Variants in FBLN2 observed in about 807,000 individuals in gnomAD.
The protein encoded by FBLN2 is fibulin-2.
A neutral mutation model predicts 123.7 loss-of-function variants in FBLN2; 81 were observed. That is an observed-to-expected ratio of 0.65 (90% CI 0.55 to 0.79). The LOEUF is 0.79. Ranked by LOEUF, FBLN2 falls within the 30% of genes least tolerant of loss-of-function variation. FBLN2 has a pLI of 0.00. For synonymous variants in FBLN2, 699 were observed against 701.4 expected, an observed-to-expected ratio of 1.00 and a Z score of 0.05; for missense variants, 1,603 against 1,681.3, an observed-to-expected ratio of 0.95 and a Z score of 0.81.
chr3:13,588,124 T>A (rs1422052811), intron 2 of FBLN2, among the ~76,000 whole-genome samples: 1 of 152,250 alleles, frequency 6.6e-6, no homozygotes, highest in Non-Finnish European at 1.5e-5. Flanking sequence ...AACCACTTTT[T>A]ATCTTTTATA....
chr3:13,619,977 C>A, intron 8 of FBLN2, 146 bp downstream of exon 8: 2 of 599,646 alleles, frequency 3.3e-6, no homozygotes, highest in Non-Finnish European at 5.8e-6. Context: ...CCTAGTGGAG[C>A]AGGTTAAACA....
At chr3:13,551,587 G>A (rs1220572419) in intron 1 of FBLN2, among the ~76,000 whole-genome samples, 1 of 152,190 alleles carries the variant, frequency 6.6e-6, no homozygotes, top group Non-Finnish European at 1.5e-5. Context: ...CTCTTACTGA[G>A]CCACTAGTGG....
At chr3:13,606,991 G>T (rs1393181419) in intron 2 of FBLN2, among the ~76,000 whole-genome samples, 1 of 150,800 alleles carries the variant, frequency 6.6e-6, no homozygotes, top group Non-Finnish European at 1.5e-5. Flanking sequence ...TTGTTTGTTT[G>T]TTTGTTTTTT....
In FBLN2 at chr3:13,637,819, G is replaced by A. The variant is rs375703494; in HGVS notation, c.3596G>A (p.Arg1199Gln). 25 of 1,613,638 alleles carry A rather than the reference G, an allele frequency of 1.5e-5. No individual in the cohort carries two copies. Among genetic ancestry groups the A allele is most frequent in the African/African-American group, 9.3e-5 (7 of 74,922 alleles). Residue 1199 changes from arginine (R) to glutamine (Q), a missense_variant, in exon 18 of 18, where the codon CGG (arginine) becomes CAG (glutamine). By Grantham distance (43) the Arg-to-Gln change is conservative (BLOSUM62 1). Transcript: ENST00000404922. ...CTGCAGCGGGCCGTGCTGGAGCCCC[G>A]GGACTTTGCCCTGGACGTGGAGATG... ...VYLQRAVLEP[R>Q]DFALDVEMKL...
rs578239762 is a variant in FBLN2 at position 13,554,941 on chromosome 3, T to C, written c.-42+5733T>C. ...AAAAATCCCTTCCCTGTTTTGCTTA[T>C]ATTTACTTTTTTTTTTTTTTTTTTT... is the stretch of plus-strand genomic sequence containing the variant. On this transcript the variant is annotated intron_variant, in intron 1 of 17. Coordinates refer to ENST00000404922, the MANE Select transcript of FBLN2 (RefSeq NM_001004019.2). Among the ~76,000 whole-genome samples the C allele has an allele frequency of 2.5e-4, 24 of 94,504 alleles. No homozygotes were observed. The South Asian group carries it at 0.012, about 49-fold the overall frequency. The allele number at this position is 94,504 out of a possible 152,430, so 62.0% of individuals were successfully genotyped here.
At chr3:13,555,361 C>T (rs1335953939) in intron 1 of FBLN2, among the ~76,000 whole-genome samples, 1 of 152,176 alleles carries the variant, frequency 6.6e-6, no homozygotes, top group African/African-American at 2.4e-5. Flanking sequence ...ACTAAAAATA[C>T]AGTGCTTAGC....
intron 2 of FBLN2, 95 bp downstream of exon 2, chr3:13,571,756 A>T (rs1703968439): frequency 2.9e-6 from 4 of 1,367,134 alleles, no homozygotes; most frequent in Non-Finnish European, 2.9e-6. Flanking sequence ...GGGGCTGGGG[A>T]TGCTGGACTG....
chr3:13,556,238 A>C (rs1703459989), intron 1 of FBLN2, among the ~76,000 whole-genome samples: 1 of 152,164 alleles, frequency 6.6e-6, no homozygotes, highest in Admixed American at 6.5e-5. Flanking sequence ...TGGAAGTCTA[A>C]GCCCTAGATT....
intron 5 of FBLN2, among the ~76,000 whole-genome samples, chr3:13,614,901 T>TATCCATCCATCCATCC (rs113294664): frequency 7.2e-6 from 1 of 139,594 alleles, no homozygotes; most frequent in South Asian, 2.3e-4. Context: ...TCTATTCATC[T>TATCCATCCATCCATCC]ATCCATCCAT....
intron 10 of FBLN2, 69 bp downstream of exon 10, chr3:13,626,648 G>T: frequency 6.8e-7 from 1 of 1,460,786 alleles, no homozygotes; most frequent in Middle Eastern, 2.5e-4. Flanking sequence ...CCCCTCCCTG[G>T]TCCCACCCCT....
At position 13,619,782 on chromosome 3, in the gene FBLN2, C is replaced by G; in HGVS notation, c.2106C>G (p.Cys702Trp). 6.2e-7 allele frequency: 1 copy of G among 1,613,084 alleles called. No homozygotes were observed. Among genetic ancestry groups the G allele is most frequent in the East Asian group, 2.2e-5 (1 of 44,810 alleles). ...VCSTVGGSAI[C>W]SCFPGYAIMA... is the part of the protein sequence containing the mutation. ...GCACTGTTGGGGGCTCAGCCATATG[C>G]TCCTGTTTTCCCGGCTATGCCATCA... Residue 702 changes from cysteine to tryptophan, a missense_variant, in exon 8 of 18, where the codon TGC becomes TGG. Coordinates refer to ENST00000404922, the MANE Select transcript of FBLN2 (RefSeq NM_001004019.2).
At chr3:13,627,523 C>T (rs564317743) in intron 10 of FBLN2, among the ~76,000 whole-genome samples, 3 of 152,346 alleles carry the variant, frequency 2.0e-5, no homozygotes, top group African/African-American at 7.2e-5. Flanking sequence ...GCCTCAGCTT[C>T]CCTCCTTGTA....
intron 2 of FBLN2, among the ~76,000 whole-genome samples, chr3:13,583,563 T>C (rs1704404909): frequency 6.6e-6 from 1 of 152,228 alleles, no homozygotes; most frequent in African/African-American, 2.4e-5. Context: ...GGGGCAAAGC[T>C]GAGCCCAGGG....
In FBLN2 at chr3:13,587,266, G is replaced by A. The variant is rs1047848470; in HGVS notation, c.1306+15605G>A. Among the ~76,000 whole-genome samples the A allele has an allele frequency of 4.9e-4, 74 of 151,812 alleles. 2 individuals carry two copies. Among genetic ancestry groups the A allele is most frequent in the Non-Finnish European group, 8.8e-5 (6 of 67,964 alleles). On this transcript the variant is annotated intron_variant, in intron 2 of 17. Coordinates refer to ENST00000404922, the MANE Select transcript of FBLN2 (RefSeq NM_001004019.2). ...AGGGCATTTATGTTTTAAGGTAAGC[G>A]TTATTACAAAAGGGTAAAAAATTAA...
At position 13,631,371 on chromosome 3, in the gene FBLN2, TC is replaced by T; in HGVS notation, c.3130del (p.Arg1044AlafsTer20). The T allele has an allele frequency of 6.2e-7, 1 of 1,602,880 alleles. No homozygotes were observed. The highest frequency in any genetic ancestry group is 1.1e-5 in the South Asian group (1 of 88,798). On this transcript the variant is annotated frameshift_variant, in exon 16 of 18. Transcript: ENST00000404922. LOFTEE classifies it high-confidence loss of function. Reference sequence around the variant, plus strand: ...CAAGGCGCCGGCATCCTCTGCACCTTCCGCTGTCTCAACGTGCCAGGGAGCT... The same window carrying T: ...CAAGGCGCCGGCATCCTCTGCACCTTCGCTGTCTCAACGTGCCAGGGAGCT... ...CAQGAGILCT[F>X]RCLNVPGSYQ...
At chr3:13,554,665 G>A (rs1402698450) in intron 1 of FBLN2, among the ~76,000 whole-genome samples, 1 of 151,156 alleles carries the variant, frequency 6.6e-6, no homozygotes, top group Non-Finnish European at 1.5e-5. Flanking sequence ...CCCCTGCATG[G>A]CTGTGGAAAC....
chr3:13,614,142 G>T lies in FBLN2; in HGVS notation c.1707G>T (p.Glu569Asp). 6.2e-7 allele frequency: 1 copy of T among 1,612,368 alleles called. No homozygotes were observed. Residue 569 changes from glutamate to aspartate, a missense_variant, in exon 5 of 18, where the codon GAG becomes GAT. By Grantham distance (45) the Glu-to-Asp change is conservative (BLOSUM62 2). Coordinates refer to ENST00000404922, the MANE Select transcript of FBLN2 (RefSeq NM_001004019.2). ...LIVPEVRRPP[E>D]PAAAPRRVSE... ...TACCTGAGGTTCGCCGACCTCCAGAGCCCGCAGCTGCACCACGGAGAGGTG... is the reference window on the plus strand; with the variant it reads ...TACCTGAGGTTCGCCGACCTCCAGATCCCGCAGCTGCACCACGGAGAGGTG...
chr3:13,600,850 A>G (rs2124870065), intron 2 of FBLN2, among the ~76,000 whole-genome samples: 1 of 152,284 alleles, frequency 6.6e-6, no homozygotes, highest in Admixed American at 6.5e-5. Flanking sequence ...TCCTGACCTC[A>G]GGTGATCCGC....
At chr3:13,555,056 G>T (rs965378691) in intron 1 of FBLN2, among the ~76,000 whole-genome samples, 1 of 150,704 alleles carries the variant, frequency 6.6e-6, no homozygotes, top group Non-Finnish European at 1.5e-5. Flanking sequence ...AGGTTCCAGT[G>T]ATTTTCCTGC....
Sources: allele counts gnomAD v4.1 joint callset (sites outside exome capture counted in the v4.1 genomes callset), GRCh38; gene constraint gnomAD v4.1.1; transcripts MANE v1.5; gene names NCBI Gene and HGNC (gene_info 2026-07-23, HGNC 2026-07-21).